Variants in PPP2R2B observed in about 807,000 individuals in gnomAD.
PPP2R2B encodes the protein protein phosphatase 2 regulatory subunit Bbeta.
In PPP2R2B, 5 loss-of-function variants were observed where a neutral mutation model predicts 46.0. The observed-to-expected ratio is 0.11, with a 90% CI of 0.06 to 0.23. The LOEUF (loss-of-function observed/expected upper bound fraction) is 0.23. Among genes scored for constraint, PPP2R2B ranks in the 10% least tolerant of loss-of-function variants. The pLI is 1.00. For missense variants in PPP2R2B, 367 were observed against 575.0 expected (o/e 0.64, Z 3.70); for synonymous variants, 215 against 206.7 (o/e 1.04, Z -0.34).
chr5:146,693,097 C>T (rs1778967998), intron 4 of PPP2R2B, among the ~76,000 whole-genome samples: 1 of 152,070 alleles, frequency 6.6e-6, no homozygotes, highest in Non-Finnish European at 1.5e-5. Context: ...TCAGTAGGTA[C>T]ATAACCCTTC....
intron 2 of PPP2R2B, among the ~76,000 whole-genome samples, chr5:146,755,284 T>A (rs1226635547): frequency 1.3e-5 from 2 of 152,190 alleles, no homozygotes; most frequent in Non-Finnish European, 2.9e-5. Context: ...AGGGAAGAAA[T>A]ACAATGTAAA....
At chr5:146,990,695 A>G (rs889348151) in intron 1 of PPP2R2B, among the ~76,000 whole-genome samples, 1 of 152,152 alleles carries the variant, frequency 6.6e-6, no homozygotes, top group Non-Finnish European at 1.5e-5. Flanking sequence ...GCACAGAAAC[A>G]AAACCAAAAA....
At chr5:147,028,930 G>A (rs1755650619) in intron 1 of PPP2R2B, among the ~76,000 whole-genome samples, 1 of 152,082 alleles carries the variant, frequency 6.6e-6, no homozygotes, top group African/African-American at 2.4e-5. Flanking sequence ...TAATAGAATT[G>A]ATTACATTTT....
rs570198752 is a variant in PPP2R2B, at chr5:146,589,110, A to AG, written c.*836dup. ...ATAAATAAGCTGGAAAAGGTTGAAGAGAAAAAAGCCAAGGAACATGTAAGT... is the reference window on the plus strand; with the variant it reads ...ATAAATAAGCTGGAAAAGGTTGAAGAGGAAAAAAGCCAAGGAACATGTAAGT... On this transcript the variant is annotated 3_prime_UTR_variant, in exon 10 of 10. Coordinates refer to ENST00000394411, the MANE Select transcript of PPP2R2B (RefSeq NM_181675.4). The AG allele has an allele frequency of 6.4e-4, 98 of 152,358 alleles. No individual in the cohort carries two copies. The highest frequency in any genetic ancestry group is 2.3e-3 in the African/African-American group (95 of 41,576). The allele number at this position is 152,358 out of a possible 1,614,324, so 9.4% of individuals were successfully genotyped here.
intron 2 of PPP2R2B, among the ~76,000 whole-genome samples, chr5:147,069,884 AG>A (rs561193520): frequency 1.2e-3 from 165 of 133,226 alleles, no homozygotes; most frequent in Admixed American, 4.2e-3. Flanking sequence ...TCCGCCTACC[AG>A]GTTCAAGCAA....
intron 2 of PPP2R2B, among the ~76,000 whole-genome samples, chr5:147,078,188 G>T (rs963023094): frequency 4.6e-5 from 7 of 152,120 alleles, no homozygotes; most frequent in Non-Finnish European, 8.8e-5. Flanking sequence ...TAGAATGAGG[G>T]TCTAATTATA....
At chr5:146,886,763 G>A (rs1426314500) in intron 1 of PPP2R2B, among the ~76,000 whole-genome samples, 1 of 151,296 alleles carries the variant, frequency 6.6e-6, no homozygotes, top group African/African-American at 2.4e-5. Flanking sequence ...TCATGTTTTC[G>A]TTAAAATATT....
chr5:147,069,876 C>T (rs1212704434), intron 2 of PPP2R2B, among the ~76,000 whole-genome samples: 5 of 143,736 alleles, frequency 3.5e-5, no homozygotes, highest in South Asian at 4.5e-4. Flanking sequence ...CTGCAACCTC[C>T]GCCTACCAGG....
intron 2 of PPP2R2B, among the ~76,000 whole-genome samples, chr5:146,873,603 C>T (rs1378432250): frequency 1.3e-5 from 2 of 152,164 alleles, no homozygotes; most frequent in Non-Finnish European, 2.9e-5. Flanking sequence ...AGACCCACCA[C>T]CTCAATTTAG....
At chr5:146,921,488 C>G (rs1763606933) in intron 1 of PPP2R2B, among the ~76,000 whole-genome samples, 1 of 152,210 alleles carries the variant, frequency 6.6e-6, no homozygotes, top group African/African-American at 2.4e-5. Context: ...ATGCAAGTGT[C>G]AGCATTGCTC....
intron 2 of PPP2R2B, among the ~76,000 whole-genome samples, chr5:146,811,900 C>T (rs1040340732): frequency 6.6e-6 from 1 of 151,960 alleles, no homozygotes; most frequent in South Asian, 2.1e-4. Flanking sequence ...CACTATCACA[C>T]TAAAGCCTGG....
At chr5:146,837,227 C>T (rs147640303) in intron 2 of PPP2R2B, among the ~76,000 whole-genome samples, 14 of 152,228 alleles carry the variant, frequency 9.2e-5, no homozygotes, top group South Asian at 2.1e-4. Flanking sequence ...ATGAGCTATT[C>T]GAACTTTAAA....
At chr5:146,654,090 C>T (rs1319417322) in intron 5 of PPP2R2B, among the ~76,000 whole-genome samples, 1 of 152,156 alleles carries the variant, frequency 6.6e-6, no homozygotes, top group African/African-American at 2.4e-5. Context: ...TGAGTCAGGT[C>T]CACAGTCAAT....
chr5:146,797,763 T>C (rs1007786616), intron 2 of PPP2R2B, among the ~76,000 whole-genome samples: 2 of 152,178 alleles, frequency 1.3e-5, no homozygotes, highest in African/African-American at 4.8e-5. Context: ...TTGTTATCTG[T>C]ATTTGTTTGT....
Position 146,796,027 on chromosome 5 carries a change from G to A in PPP2R2B, c.70+81975C>T, listed in dbSNP as rs752376977. Among the ~76,000 whole-genome samples the A allele has an allele frequency of 7.9e-5, 12 of 152,196 alleles. No individual in the cohort carries two copies. In the East Asian group the frequency reaches 1.2e-3, roughly 15 times the overall value. On this transcript the variant is annotated intron_variant, in intron 2 of 9. Transcript: ENST00000394411. ...TGTCACTATTGAACTCAGCTGCCTA[G>A]TTACTGCCTAATAAGCATCTCTGTT... is the stretch of plus-strand genomic sequence containing the variant.
Position 146,617,241 on chromosome 5 carries a change from G to T in PPP2R2B, c.791-16781C>A, listed in dbSNP as rs141130579. Among the ~76,000 whole-genome samples, 977 of 152,152 alleles carry T rather than the reference G, an allele frequency of 6.4e-3. 4 individuals are homozygous for T. The highest frequency in any genetic ancestry group is 0.015 in the South Asian group (72 of 4,810). ...AGAGGTTGGGGGGCAGGGGGAAGTGGGTTAATGGTTAATGGGTACAAAAAA... is the reference window on the plus strand; with the variant it reads ...AGAGGTTGGGGGGCAGGGGGAAGTGTGTTAATGGTTAATGGGTACAAAAAA... On this transcript the variant is annotated intron_variant, in intron 7 of 9. Coordinates refer to ENST00000394411, the MANE Select transcript of PPP2R2B (RefSeq NM_181675.4).
intron 1 of PPP2R2B, among the ~76,000 whole-genome samples, chr5:147,041,151 C>T (rs1756275544): frequency 6.6e-6 from 1 of 152,100 alleles, no homozygotes; most frequent in African/African-American, 2.4e-5. Context: ...GGAAGCTCAC[C>T]CAAGGGTTTT....
At position 146,646,214 on chromosome 5, in the gene PPP2R2B, C is replaced by T. The variant is rs948421795; in HGVS notation, c.625+4333G>A. On this transcript the variant is annotated intron_variant, in intron 6 of 9. Coordinates refer to ENST00000394411, the MANE Select transcript of PPP2R2B (RefSeq NM_181675.4). ...GTGCTCAATTTATCATCGTTGAGGG[C>T]TAGTCTTTATTTTTACTCGATATGG... Among the ~76,000 whole-genome samples the T allele has an allele frequency of 2.6e-5, 4 of 152,154 alleles. No individual in the cohort carries two copies. In the East Asian group the frequency reaches 7.7e-4, roughly 29 times the overall value.
intron 1 of PPP2R2B, among the ~76,000 whole-genome samples, chr5:146,974,636 A>C (rs1187988953): frequency 2.0e-5 from 3 of 152,150 alleles, no homozygotes; most frequent in South Asian, 2.1e-4. Flanking sequence ...TAAATTAATA[A>C]ATTTTGACCA....
Sources: allele counts gnomAD v4.1 joint callset (sites outside exome capture counted in the v4.1 genomes callset), GRCh38; gene constraint gnomAD v4.1.1; transcripts MANE v1.5; gene names NCBI Gene and HGNC (gene_info 2026-07-23, HGNC 2026-07-21).